The following ZNF407 variants were observed in gnomAD, a reference collection of about 807,000 sequenced individuals.
The protein encoded by ZNF407 is zinc finger protein 407.
In ZNF407, 17 loss-of-function variants were observed where a neutral mutation model predicts 131.2. The ratio of observed to expected loss-of-function variants is 0.13; its 90% CI spans 0.09 to 0.19. ZNF407 has a LOEUF of 0.19. Among genes scored for constraint, ZNF407 ranks in the 10% least tolerant of loss-of-function variants. The pLI is 1.00. For synonymous variants in ZNF407, 1,156 were observed against 1,062.0 expected (o/e 1.09, Z -1.72); for missense variants, 2,681 against 2,830.6 (o/e 0.95, Z 1.20).
intron 8 of ZNF407, among the ~76,000 whole-genome samples, chr18:75,026,230 T>C (rs1039865656): frequency 6.6e-6 from 1 of 152,230 alleles, no homozygotes; most frequent in Admixed American, 6.5e-5. Flanking sequence ...AATCTCCACA[T>C]TGAGTGTGTC....
At chr18:75,032,590 C>T (rs1973254277) in intron 8 of ZNF407, among the ~76,000 whole-genome samples, 1 of 152,220 alleles carries the variant, frequency 6.6e-6, no homozygotes, top group South Asian at 2.1e-4. Flanking sequence ...TTTCCCCCTG[C>T]CCACTAACTG....
At position 74,634,241 on chromosome 18, in the gene ZNF407, G is replaced by T. The variant is rs755355870; in HGVS notation, c.3222G>T (p.Arg1074Ser). ...HAATEKHKMK[R>S]QSYLNSANVE... ...CAACAGAGAAGCACAAAATGAAAAGGCAGTCTTATCTCAACTCTGCTAATG... is the reference window on the plus strand; with the variant it reads ...CAACAGAGAAGCACAAAATGAAAAGTCAGTCTTATCTCAACTCTGCTAATG... The change falls in exon 2 of 9, where the codon AGG becomes AGT. Residue 1074 changes from arginine to serine, a missense_variant. Arg to Ser is a moderately radical substitution (Grantham distance 110). Transcript: ENST00000299687. The T allele has an allele frequency of 5.6e-6, 9 of 1,614,038 alleles. No homozygotes were observed. The South Asian group carries it at 9.9e-5, about 18-fold the overall frequency.
chr18:74,621,207 A>G (rs1309863527), intron 1 of ZNF407, among the ~76,000 whole-genome samples: 1 of 152,164 alleles, frequency 6.6e-6, no homozygotes. Flanking sequence ...AATGAGTAAT[A>G]ACTATATCAT....
chr18:74,653,256 G>T (rs1007152506), intron 3 of ZNF407, among the ~76,000 whole-genome samples: 6 of 151,786 alleles, frequency 4.0e-5, no homozygotes, highest in Non-Finnish European at 8.9e-5. Context: ...AGATTATGCT[G>T]TTTTAGTTGC....
rs540087352 is a variant in ZNF407 at position 74,802,115 on chromosome 18, A to G, written c.4877+20613A>G. Among the ~76,000 whole-genome samples, 34 of 152,314 alleles carry G rather than the reference A, an allele frequency of 2.2e-4. No homozygotes were observed. The South Asian group carries it at 6.2e-3, about 28-fold the overall frequency. ...CTGTTAGCTTTCTGTAATGTCCCTCAATGAACATCTCTCAATTCTCATGTA... is the reference window on the plus strand; with the variant it reads ...CTGTTAGCTTTCTGTAATGTCCCTCGATGAACATCTCTCAATTCTCATGTA... On this transcript the variant is annotated intron_variant, in intron 4 of 8. Coordinates refer to ENST00000299687, the MANE Select transcript of ZNF407 (RefSeq NM_017757.3).
intron 8 of ZNF407, among the ~76,000 whole-genome samples, chr18:74,968,516 G>T (rs1489077868): frequency 6.6e-6 from 1 of 152,152 alleles, no homozygotes; most frequent in East Asian, 1.9e-4. Flanking sequence ...TTTCCTTTAT[G>T]TGAGGATATT....
chr18:74,796,525 C>T (rs1036076342), intron 4 of ZNF407, among the ~76,000 whole-genome samples: 14 of 152,258 alleles, frequency 9.2e-5, no homozygotes, highest in Admixed American at 2.0e-4. Flanking sequence ...TGTCGAAGGA[C>T]GCAAAATGGT....
intron 3 of ZNF407, among the ~76,000 whole-genome samples, chr18:74,647,685 A>G (rs919193382): frequency 2.0e-5 from 3 of 152,204 alleles, no homozygotes; most frequent in Non-Finnish European, 4.4e-5. Flanking sequence ...GAAGGGAGGC[A>G]TAACTGCTGA....
At chr18:74,979,954 T>C (rs1972569833) in intron 8 of ZNF407, among the ~76,000 whole-genome samples, 1 of 152,202 alleles carries the variant, frequency 6.6e-6, no homozygotes, top group Non-Finnish European at 1.5e-5. Context: ...GTTTTAACTC[T>C]AAGTGTTAAC....
At chr18:74,687,084 A>G (rs1037562145) in intron 3 of ZNF407, among the ~76,000 whole-genome samples, 2 of 152,222 alleles carry the variant, frequency 1.3e-5, no homozygotes, top group African/African-American at 4.8e-5. Context: ...GTGGTGGCTT[A>G]TGCCTATAAC....
intron 8 of ZNF407, among the ~76,000 whole-genome samples, chr18:75,019,083 G>A (rs958222762): frequency 6.6e-6 from 1 of 152,020 alleles, no homozygotes; most frequent in Admixed American, 6.6e-5. Context: ...TAAATTAGAA[G>A]ATCAAATAAT....
intron 8 of ZNF407, among the ~76,000 whole-genome samples, chr18:75,007,562 C>G (rs1345775385): frequency 1.3e-5 from 2 of 152,198 alleles, no homozygotes; most frequent in Non-Finnish European, 2.9e-5. Flanking sequence ...CAACATTTTT[C>G]TCTCTGTCAA....
chr18:74,810,273 T>A (rs1193774522), intron 4 of ZNF407, among the ~76,000 whole-genome samples: 1 of 152,098 alleles, frequency 6.6e-6, no homozygotes, highest in Non-Finnish European at 1.5e-5. Flanking sequence ...AGGCAAGTTG[T>A]TAAGGAAGGC....
intron 4 of ZNF407, among the ~76,000 whole-genome samples, chr18:74,805,451 T>C (rs1244830452): frequency 6.6e-6 from 1 of 152,238 alleles, no homozygotes; most frequent in Admixed American, 6.5e-5. Context: ...AAATACCTAC[T>C]TACATTTTCA....
intron 8 of ZNF407, among the ~76,000 whole-genome samples, chr18:75,001,483 T>A (rs1972844960): frequency 6.6e-6 from 1 of 152,120 alleles, no homozygotes; most frequent in Non-Finnish European, 1.5e-5. Flanking sequence ...AAGAGCACAT[T>A]TTTAGGTTAA....
rs1009005825 is a variant in ZNF407, at chr18:75,048,274, C to T, written c.5429-14876C>T. Among the ~76,000 whole-genome samples the T allele has an allele frequency of 1.1e-4, 17 of 152,198 alleles. No homozygotes were observed. Among genetic ancestry groups the T allele is most frequent in the African/African-American group, 4.1e-4 (17 of 41,452 alleles). On this transcript the variant is annotated intron_variant, in intron 8 of 8. Coordinates refer to ENST00000299687, the MANE Select transcript of ZNF407 (RefSeq NM_017757.3). This position sits in a 1 kb window ranked among gnomAD's most constrained non-coding sequence, Gnocchi z 4.1. ...TCGTGGTCTTTCTGGTATTATGCGT[C>T]AGAGGCCTAATTTTTGTCTACATGG... is the stretch of plus-strand genomic sequence containing the variant.
intron 6 of ZNF407, among the ~76,000 whole-genome samples, chr18:74,881,333 C>T (rs1397941182): frequency 6.6e-6 from 1 of 152,154 alleles, no homozygotes; most frequent in Non-Finnish European, 1.5e-5. Flanking sequence ...TTTCAAGAAG[C>T]AGGTACCCTC....
chr18:75,039,641 T>A (rs1329730510), intron 8 of ZNF407, among the ~76,000 whole-genome samples: 1 of 151,754 alleles, frequency 6.6e-6, no homozygotes, highest in Non-Finnish European at 1.5e-5. Context: ...AATGTTTTTT[T>A]AAATATCTTA....
chr18:74,667,443 T>C (rs1054753976), intron 3 of ZNF407, among the ~76,000 whole-genome samples: 2 of 152,232 alleles, frequency 1.3e-5, no homozygotes, highest in Non-Finnish European at 2.9e-5. Flanking sequence ...CTTTTAATGA[T>C]AGACAGTTTA....
Sources: allele counts gnomAD v4.1 joint callset (sites outside exome capture counted in the v4.1 genomes callset), GRCh38; gene constraint gnomAD v4.1.1; non-coding constraint Gnocchi (gnomAD v3.1); transcripts MANE v1.5; gene names NCBI Gene and HGNC (gene_info 2026-07-23, HGNC 2026-07-21).